Variants in CHD9 observed in about 807,000 individuals in gnomAD.
CHD9 encodes the protein ATP-dependent chromatin remodeler CHD9.
In CHD9, 77 loss-of-function variants were observed where a neutral mutation model predicts 316.1. The observed-to-expected ratio is 0.24, with a 90% CI of 0.20 to 0.29. The LOEUF is 0.29. Ranked by LOEUF, CHD9 falls within the 10% of genes least tolerant of loss-of-function variation. The pLI is 1.00. For synonymous variants in CHD9, 1,129 were observed against 1,158.3 expected, an observed-to-expected ratio of 0.97 and a Z score of 0.51; for missense variants, 2,763 against 3,438.1, an observed-to-expected ratio of 0.80 and a Z score of 4.91.
chr16:53,109,000 G>A (rs962767488), intron 1 of CHD9, among the ~76,000 whole-genome samples: 1 of 152,190 alleles, frequency 6.6e-6, no homozygotes, highest in South Asian at 2.1e-4. Context: ...TGAAGGAGAG[G>A]GGGTGTATCT....
intron 1 of CHD9, among the ~76,000 whole-genome samples, chr16:53,148,627 C>A (rs1213528710): frequency 6.6e-6 from 1 of 152,224 alleles, no homozygotes. Context: ...CCTCCTTGGA[C>A]ATTCCTGTAT....
intron 24 of CHD9, among the ~76,000 whole-genome samples, chr16:53,281,405 G>T (rs754929584): frequency 3.9e-5 from 6 of 152,002 alleles, no homozygotes; most frequent in Non-Finnish European, 8.8e-5. Context: ...GTACCTTTCA[G>T]TACTATCTCC....
intron 16 of CHD9, chr16:53,247,923 T>C (rs994572394): frequency 6.5e-6 from 1 of 154,522 alleles, no homozygotes; most frequent in African/African-American, 2.4e-5. Context: ...TTTATTCTTA[T>C]TATATACTAT....
Position 53,304,299 on chromosome 16 carries a change from G to A in CHD9, c.6293G>A (p.Cys2098Tyr), listed in dbSNP as rs954378542. The change falls in exon 31 of 39, where the codon TGT becomes TAT. Residue 2098 changes from cysteine (C) to tyrosine (Y), a missense_variant. Around this residue, in one of 15 missense-constraint regions of CHD9, gnomAD observed 663 missense variants for 751.2 expected, o/e 0.88. Transcript: ENST00000447540. ...ATGDQKSGGK[C>Y]ETDRRMVAAR... Reference sequence around the variant, plus strand: ...GGAGACCAGAAATCTGGTGGAAAATGTGAAACAGACAGACGCATGGTTGCA... The same window carrying A: ...GGAGACCAGAAATCTGGTGGAAAATATGAAACAGACAGACGCATGGTTGCA... The A allele has an allele frequency of 2.3e-5, 37 of 1,611,724 alleles. No homozygotes were observed. The highest frequency in any genetic ancestry group is 3.0e-5 in the Non-Finnish European group (35 of 1,179,784).
In CHD9 at chr16:53,132,008, C is replaced by G. The variant is rs1265390290; in HGVS notation, c.-164-23918C>G. Among the ~76,000 whole-genome samples the G allele has an allele frequency of 2.0e-5, 3 of 152,242 alleles. No individual in the cohort carries two copies. In the East Asian group the frequency reaches 5.8e-4, roughly 29 times the overall value. On this transcript the variant is annotated intron_variant, in intron 1 of 38. Coordinates refer to ENST00000447540, the MANE Select transcript of CHD9 (RefSeq NM_001308319.2). ...TGGACATCCAGCCCAAAGCCAAGCA[C>G]TACCCGGAAAGCCCGGGTGTCTCAC...
chr16:53,127,571 A>G (rs2039023617), intron 1 of CHD9, among the ~76,000 whole-genome samples: 1 of 152,152 alleles, frequency 6.6e-6, no homozygotes, highest in African/African-American at 2.4e-5. Context: ...TCTGCCACTC[A>G]ATGACTGTGT....
intron 22 of CHD9, among the ~76,000 whole-genome samples, chr16:53,269,758 A>T (rs554338893): frequency 5.9e-5 from 9 of 152,272 alleles, no homozygotes; most frequent in Middle Eastern, 3.4e-3. Context: ...GTGAATAGAG[A>T]GGTATCTATT....
At chr16:53,233,129 G>T (rs1195848519) in intron 10 of CHD9, among the ~76,000 whole-genome samples, 2 of 152,086 alleles carry the variant, frequency 1.3e-5, no homozygotes, top group African/African-American at 4.8e-5. Flanking sequence ...CATCTTGAGG[G>T]TTCAGTCCCA....
chr16:53,063,797 C>T (rs1361724177), intron 1 of CHD9, among the ~76,000 whole-genome samples: 2 of 149,518 alleles, frequency 1.3e-5, no homozygotes, highest in Non-Finnish European at 3.0e-5. Context: ...TCCCAAAATG[C>T]TGGGATTACA....
In CHD9 at chr16:53,254,539, T is replaced by A; in HGVS notation, c.3963T>A (p.Ser1321Arg). 2 of 1,613,088 alleles carry A rather than the reference T, an allele frequency of 1.2e-6. No homozygotes were observed. Among genetic ancestry groups the A allele is most frequent in the Non-Finnish European group, 1.7e-6 (2 of 1,179,380 alleles). Residue 1321 changes from serine to arginine, a missense_variant, in exon 18 of 39, where the codon AGT (serine) becomes AGA (arginine). This residue lies in a region of CHD9 where 199 missense variants were observed against 251.7 expected (regional missense o/e 0.79). Transcript: ENST00000447540. ...AGAGAGAGATGTTTGACCGAGCCAG[T>A]TTGAAACTGGGCCTAGATAAAGCTG... ...SYEREMFDRA[S>R]LKLGLDKAVL...
chr16:53,245,602 A>G lies in CHD9; in HGVS notation c.3206A>G (p.Lys1069Arg). The G allele has an allele frequency of 1.3e-6, 2 of 1,562,592 alleles. No homozygotes were observed. Among genetic ancestry groups the G allele is most frequent in the Non-Finnish European group, 1.7e-6 (2 of 1,159,228 alleles). ...TTATCATTTTTTATTCAGGTACAGA[A>G]ACTTCAGGCTATCCTGAAACCAATG... ...GDLKTEEQVQ[K>R]LQAILKPMML... The change falls in exon 15 of 39, where the codon AAA becomes AGA. Residue 1069 changes from lysine to arginine, a missense_variant. By Grantham distance (26) the Lys-to-Arg change is conservative. Transcript: ENST00000447540. This position sits in a 1 kb window ranked among gnomAD's most constrained non-coding sequence, Gnocchi z 4.1.
intron 2 of CHD9, among the ~76,000 whole-genome samples, chr16:53,178,128 C>T (rs2152800006): frequency 6.6e-6 from 1 of 152,236 alleles, no homozygotes; most frequent in South Asian, 2.1e-4. Context: ...GAGCATGTTC[C>T]ATAAGATGGG....
At chr16:53,160,735 C>T (rs1054799370) in intron 2 of CHD9, among the ~76,000 whole-genome samples, 1 of 152,062 alleles carries the variant, frequency 6.6e-6, no homozygotes, top group Admixed American at 6.6e-5. Flanking sequence ...GGTGAAACCC[C>T]GTCTCTACTA....
At chr16:53,258,129 A>C (rs112566080) in intron 19 of CHD9, among the ~76,000 whole-genome samples, 2 of 152,306 alleles carry the variant, frequency 1.3e-5, no homozygotes, top group African/African-American at 2.4e-5. Flanking sequence ...GATCATGGAA[A>C]GTCAGAAAAA....
At chr16:53,262,172 A>G (rs1288725303) in intron 19 of CHD9, among the ~76,000 whole-genome samples, 1 of 152,006 alleles carries the variant, frequency 6.6e-6, no homozygotes, top group Admixed American at 6.5e-5. Context: ...ATTCACATAT[A>G]TTTTTCAGGC....
chr16:53,183,967 C>T (rs1272362875), intron 2 of CHD9, among the ~76,000 whole-genome samples: 1 of 150,096 alleles, frequency 6.7e-6, no homozygotes, highest in Non-Finnish European at 1.5e-5. Flanking sequence ...TTTTTTGAGA[C>T]GGAGTCTCGC....
chr16:53,274,066 T>C (rs1320841130), intron 23 of CHD9, 147 bp from the exon 24 acceptor site: 7 of 649,002 alleles, frequency 1.1e-5, no homozygotes, highest in South Asian at 1.9e-5. Context: ...TTTATATATA[T>C]GGTAGTAATA....
In CHD9 at chr16:53,270,964, G is replaced by A. The variant is rs147201267; in HGVS notation, c.4718-2662G>A. ...TGACTCAAAATTTTTTCTCTGGAAAGAGTAAAATAGAAGTCTGGATTGCAC... is the reference window on the plus strand; with the variant it reads ...TGACTCAAAATTTTTTCTCTGGAAAAAGTAAAATAGAAGTCTGGATTGCAC... On this transcript the variant is annotated intron_variant, in intron 22 of 38. Transcript: ENST00000447540. 2.7e-3 allele frequency among the ~76,000 whole-genome samples: 418 copies of A among 152,242 alleles called. 4 individuals are homozygous for A. Among genetic ancestry groups the A allele is most frequent in the African/African-American group, 9.8e-3 (406 of 41,552 alleles).
In CHD9 at chr16:53,241,580, C is replaced by T. The variant is rs567850837; in HGVS notation, c.2878-1260C>T. Among the ~76,000 whole-genome samples, 6 of 152,308 alleles carry T rather than the reference C, an allele frequency of 3.9e-5. No individual in the cohort carries two copies. The South Asian group carries it at 1.2e-3, about 32-fold the overall frequency. On this transcript the variant is annotated intron_variant, in intron 12 of 38. Transcript: ENST00000447540. ...ACACATACAAAATCAAAATCCAAAA[C>T]TACTTCTTTTTAGTAAATAACAACA...
Sources: allele counts gnomAD v4.1 joint callset (sites outside exome capture counted in the v4.1 genomes callset), GRCh38; gene constraint gnomAD v4.1.1; regional missense constraint gnomAD v4.1.1; non-coding constraint Gnocchi (gnomAD v3.1); transcripts MANE v1.5; gene names NCBI Gene and HGNC (gene_info 2026-07-23, HGNC 2026-07-21).